The following ZSWIM5 variants were observed in gnomAD, a reference collection of about 807,000 sequenced individuals.
ZSWIM5 encodes the protein zinc finger SWIM domain-containing protein 5.
In ZSWIM5, 55 loss-of-function variants were observed where a neutral mutation model predicts 119.6. The observed-to-expected ratio is 0.46, with a 90% CI of 0.37 to 0.58. The LOEUF (loss-of-function observed/expected upper bound fraction) is 0.58, where lower values mean the gene tolerates loss of function less well. Among genes scored for constraint, ZSWIM5 ranks in the 20% least tolerant of loss-of-function variants. The pLI, the probability that ZSWIM5 is intolerant of heterozygous loss-of-function variation, is 0.00. For missense variants in ZSWIM5, 1,193 were observed against 1,512.8 expected (o/e 0.79, Z 3.51); for synonymous variants, 537 against 606.9 (o/e 0.88, Z 1.69).
chr1:45,123,350 A>G (rs190249077), intron 1 of ZSWIM5, among the ~76,000 whole-genome samples: 4 of 152,260 alleles, frequency 2.6e-5, no homozygotes, highest in African/African-American at 9.6e-5. Flanking sequence ...AACATTTTCA[A>G]TGAGCAATGA....
At chr1:45,144,533 C>T (rs993296431) in intron 1 of ZSWIM5, among the ~76,000 whole-genome samples, 7 of 152,086 alleles carry the variant, frequency 4.6e-5, no homozygotes, top group African/African-American at 1.7e-4. Flanking sequence ...GAGACCCTGT[C>T]TCCACACAAA....
chr1:45,188,045 T>A (rs1048266397), intron 1 of ZSWIM5, among the ~76,000 whole-genome samples: 1 of 152,178 alleles, frequency 6.6e-6, no homozygotes, highest in African/African-American at 2.4e-5. Context: ...TGGCAGTTCC[T>A]CAAAATGTTA....
Position 45,088,515 on chromosome 1 carries a change from G to C in ZSWIM5, c.596-278C>G, listed in dbSNP as rs1016395720. ...TTGTACGTGTATACATTTTTCTGGG[G>C]GTGGGGATAGTTCATAGCTATCATC... On this transcript the variant is annotated intron_variant, in intron 1 of 13. Coordinates refer to ENST00000359600, the MANE Select transcript of ZSWIM5 (RefSeq NM_020883.2). The surrounding 1 kb of genome is among the most constrained non-coding windows in gnomAD (Gnocchi z 4.2). Among the ~76,000 whole-genome samples, 1 of 152,050 alleles carries C rather than the reference G, an allele frequency of 6.6e-6. No homozygotes were observed. The highest frequency in any genetic ancestry group is 1.5e-5 in the Non-Finnish European group (1 of 68,028).
intron 1 of ZSWIM5, among the ~76,000 whole-genome samples, chr1:45,179,902 G>A (rs1646004714): frequency 6.6e-6 from 1 of 152,092 alleles, no homozygotes; most frequent in African/African-American, 2.4e-5. Flanking sequence ...GTCAGAGACA[G>A]GAAATGTGAC....
chr1:45,183,466 T>G (rs1232164402), intron 1 of ZSWIM5, among the ~76,000 whole-genome samples: 5 of 152,042 alleles, frequency 3.3e-5, no homozygotes, highest in Non-Finnish European at 7.4e-5. Flanking sequence ...AGGAGCTGGT[T>G]TTTTGAAAGG....
intron 2 of ZSWIM5, among the ~76,000 whole-genome samples, chr1:45,085,863 A>G (rs2149010774): frequency 6.6e-6 from 1 of 152,160 alleles, no homozygotes; most frequent in East Asian, 1.9e-4. Context: ...AGCCCTCTAC[A>G]CTTTTCTAAC....
intron 1 of ZSWIM5, among the ~76,000 whole-genome samples, chr1:45,139,601 C>T (rs1275158523): frequency 6.6e-6 from 1 of 151,152 alleles, no homozygotes; most frequent in Non-Finnish European, 1.5e-5. Flanking sequence ...CCTGTTTGAG[C>T]CTCCTGAGTA....
intron 2 of ZSWIM5, among the ~76,000 whole-genome samples, chr1:45,062,452 T>A (rs1198513402): frequency 6.6e-6 from 1 of 152,216 alleles, no homozygotes; most frequent in African/African-American, 2.4e-5. Context: ...TGCCACTTTA[T>A]TGTATCTATT....
At chr1:45,110,085 T>C (rs755093500) in intron 1 of ZSWIM5, among the ~76,000 whole-genome samples, 4 of 152,158 alleles carry the variant, frequency 2.6e-5, no homozygotes, top group African/African-American at 4.8e-5. Flanking sequence ...CAGGCTGGTC[T>C]TGAACTTCTG....
intron 1 of ZSWIM5, among the ~76,000 whole-genome samples, chr1:45,157,288 C>T (rs891060980): frequency 1.3e-5 from 2 of 152,116 alleles, no homozygotes; most frequent in Non-Finnish European, 2.9e-5. Flanking sequence ...GATCCTCCTG[C>T]CTCAGCCTCC....
At chr1:45,021,904 C>A in intron 11 of ZSWIM5, among the ~76,000 whole-genome samples, 1 of 151,554 alleles carries the variant, frequency 6.6e-6, no homozygotes, top group Non-Finnish European at 1.5e-5. Flanking sequence ...AGCCTGTAGT[C>A]CCAGCTACTA....
intron 1 of ZSWIM5, among the ~76,000 whole-genome samples, chr1:45,102,476 C>G (rs535261749): frequency 6.6e-6 from 1 of 152,282 alleles, no homozygotes; most frequent in East Asian, 1.9e-4. Flanking sequence ...AGTCATATCT[C>G]CATTATAGTA....
At chr1:45,095,290 A>G (rs11588448) in intron 1 of ZSWIM5, among the ~76,000 whole-genome samples, 12,127 of 151,016 alleles carry the variant, frequency 0.08, 689 homozygotes, top group Non-Finnish European at 0.12. Context: ...ACCATCTCTA[A>G]TTTTTTTTTA....
At chr1:45,105,829 C>G (rs1645470443) in intron 1 of ZSWIM5, among the ~76,000 whole-genome samples, 1 of 148,606 alleles carries the variant, frequency 6.7e-6, no homozygotes, top group African/African-American at 2.5e-5. Flanking sequence ...GCCCGGCCGC[C>G]CCGTCTGGGA....
intron 1 of ZSWIM5, among the ~76,000 whole-genome samples, chr1:45,120,007 C>T (rs1273413489): frequency 6.6e-6 from 1 of 152,184 alleles, no homozygotes; most frequent in Non-Finnish European, 1.5e-5. Flanking sequence ...ACCCAATTGC[C>T]TGTTCTTTCT....
At chr1:45,103,420 A>C (rs1460141643) in intron 1 of ZSWIM5, among the ~76,000 whole-genome samples, 1 of 152,236 alleles carries the variant, frequency 6.6e-6, no homozygotes, top group Non-Finnish European at 1.5e-5. Flanking sequence ...GAGATAGAAG[A>C]ACTTGTCTAA....
At chr1:45,180,801 G>A (rs547554878) in intron 1 of ZSWIM5, among the ~76,000 whole-genome samples, 7 of 152,030 alleles carry the variant, frequency 4.6e-5, no homozygotes, top group South Asian at 2.1e-4. Context: ...TGCAGACACC[G>A]CTGCTGATAC....
chr1:45,164,281 G>T (rs1038393991), intron 1 of ZSWIM5, among the ~76,000 whole-genome samples: 1 of 152,108 alleles, frequency 6.6e-6, no homozygotes, highest in Non-Finnish European at 1.5e-5. Context: ...GAGAGATTTT[G>T]TCACCACCAG....
chr1:45,178,840 C>T (rs966092008), intron 1 of ZSWIM5, among the ~76,000 whole-genome samples: 1 of 151,892 alleles, frequency 6.6e-6, no homozygotes, highest in Non-Finnish European at 1.5e-5. Context: ...AAGAAAACTG[C>T]TCTCTGCTGT....
Sources: allele counts gnomAD v4.1 joint callset (sites outside exome capture counted in the v4.1 genomes callset), GRCh38; gene constraint gnomAD v4.1.1; non-coding constraint Gnocchi (gnomAD v3.1); transcripts MANE v1.5; gene names NCBI Gene and HGNC (gene_info 2026-07-23, HGNC 2026-07-21).